Variants in NFATC3 observed in about 807,000 individuals in gnomAD.
NFATC3 encodes nuclear factor of activated T cells 3.
Under a neutral mutation model 98.6 loss-of-function variants are expected in NFATC3, and 46 were observed. The observed-to-expected ratio is 0.47, with a 90% CI of 0.37 to 0.60. NFATC3 has a LOEUF of 0.60. Among genes scored for constraint, NFATC3 ranks in the 20% least tolerant of loss-of-function variants. The probability of loss-of-function intolerance (pLI) is 0.00; values close to 1 mark genes in which losing one functional copy is unlikely to be tolerated. For missense variants in NFATC3, 1,256 were observed against 1,295.5 expected (o/e 0.97, Z 0.47); for synonymous variants, 512 against 472.2 (o/e 1.08, Z -1.09).
intron 5 of NFATC3, 26 bp from the exon 6 acceptor site, chr16:68,174,348 C>T: frequency 7.3e-7 from 1 of 1,371,118 alleles, no homozygotes; most frequent in Non-Finnish European, 9.5e-7. Context: ...TGTTTTTTCT[C>T]AACTCTTTAA....
At chr16:68,166,811 A>C in intron 4 of NFATC3, 32 bp from the exon 5 acceptor site, 1 of 1,539,880 alleles carries the variant, frequency 6.5e-7, no homozygotes, top group Non-Finnish European at 8.8e-7. Context: ...ATTATCAATA[A>C]ACAAATTAAA....
intron 9 of NFATC3, among the ~76,000 whole-genome samples, chr16:68,204,608 C>T (rs114645460): frequency 0.038 from 5,725 of 152,280 alleles, 120 homozygotes; most frequent in Middle Eastern, 0.15. Flanking sequence ...TGTAGATTTT[C>T]TCACATGTGT....
At chr16:68,159,024 G>A (rs1483134862) in intron 4 of NFATC3, among the ~76,000 whole-genome samples, 1 of 152,196 alleles carries the variant, frequency 6.6e-6, no homozygotes, top group Non-Finnish European at 1.5e-5. Context: ...CTGAGCTCAG[G>A]AATTTCAGAC....
At chr16:68,135,014 G>A (rs1296683246) in intron 3 of NFATC3, among the ~76,000 whole-genome samples, 1 of 151,828 alleles carries the variant, frequency 6.6e-6, no homozygotes, top group Non-Finnish European at 1.5e-5. Context: ...GTTAGGAAGT[G>A]TAGAATTATG....
At chr16:68,154,350 T>G (rs2038499427) in intron 3 of NFATC3, among the ~76,000 whole-genome samples, 1 of 152,306 alleles carries the variant, frequency 6.6e-6, no homozygotes, top group East Asian at 1.9e-4. Flanking sequence ...AGGAAAGATT[T>G]ATTGCATTCA....
chr16:68,177,351 G>A (rs1271081099), intron 6 of NFATC3, among the ~76,000 whole-genome samples: 3 of 151,914 alleles, frequency 2.0e-5, no homozygotes, highest in Non-Finnish European at 4.4e-5. Context: ...GTGCCCGCCT[G>A]GTCATATATA....
At chr16:68,155,236 G>A (rs1008064900) in intron 3 of NFATC3, among the ~76,000 whole-genome samples, 4 of 152,278 alleles carry the variant, frequency 2.6e-5, no homozygotes, top group African/African-American at 9.6e-5. Flanking sequence ...CAAATACAAG[G>A]AGGCTACTAT....
intron 9 of NFATC3, chr16:68,192,295 G>GTA (rs2040473585): frequency 7.5e-6 from 1 of 132,544 alleles, no homozygotes; most frequent in Admixed American, 7.9e-5. Context: ...ATATATGTAT[G>GTA]TGTGTATATA....
chr16:68,170,073 T>C (rs561858458), intron 5 of NFATC3, among the ~76,000 whole-genome samples: 1 of 151,328 alleles, frequency 6.6e-6, no homozygotes, highest in East Asian at 2.0e-4. Flanking sequence ...AAAAATAAAA[T>C]TAACGTGATT....
intron 1 of NFATC3, among the ~76,000 whole-genome samples, chr16:68,112,390 G>A (rs974367858): frequency 1.4e-5 from 2 of 143,238 alleles, no homozygotes; most frequent in African/African-American, 5.2e-5. Context: ...CGATCCTTCT[G>A]CCTCAGCCGC....
rs745364460 is a variant in NFATC3, at chr16:68,190,977, A to G, written c.2308A>G (p.Arg770Gly). ...ATCCCATCTGCCACAGTTGCAGTGTAGAGATGAGAGTGTTAGTAAAGAACA... is the reference window on the plus strand; with the variant it reads ...ATCCCATCTGCCACAGTTGCAGTGTGGAGATGAGAGTGTTAGTAAAGAACA... The part of the protein sequence containing the change: ...TSSHLPQLQC[R>G]DESVSKEQHM... The change falls in exon 9 of 10, where the codon AGA becomes GGA. Residue 770 changes from arginine to glycine, a missense_variant. Arg to Gly is a moderately radical substitution (Grantham distance 125). Around this residue, in one of 3 missense-constraint regions of NFATC3, gnomAD observed 636 missense variants for 617.3 expected, o/e 1.03. Transcript: ENST00000346183. 4.3e-6 allele frequency: 7 copies of G among 1,614,212 alleles called. No individual in the cohort carries two copies. The East Asian group carries it at 6.7e-5, about 15-fold the overall frequency.
intron 9 of NFATC3, chr16:68,209,792 T>C: frequency 2.4e-6 from 1 of 420,378 alleles, no homozygotes; most frequent in Non-Finnish European, 4.6e-6. Context: ...GTACTTCAAA[T>C]GCAAGAAATG....
At chr16:68,132,962 A>G (rs540951630) in intron 3 of NFATC3, among the ~76,000 whole-genome samples, 5 of 152,278 alleles carry the variant, frequency 3.3e-5, no homozygotes, top group African/African-American at 7.2e-5. Flanking sequence ...TAGGGTGAAT[A>G]TAGTTAATAA....
At chr16:68,106,423 C>G (rs996304674) in intron 1 of NFATC3, among the ~76,000 whole-genome samples, 3 of 151,920 alleles carry the variant, frequency 2.0e-5, no homozygotes, top group Non-Finnish European at 4.4e-5. Context: ...TCCCGACTAG[C>G]TGAGAATACA....
In NFATC3 at chr16:68,157,877, C is replaced by T. The variant is rs2038699481; in HGVS notation, c.1410C>T (p.Gly470=). ...TTCTTTTTCCTGATTAGCTCCTGGGCTATAACGAAAAGCCAATAAATCTAC... is the reference window on the plus strand; with the variant it reads ...TTCTTTTTCCTGATTAGCTCCTGGGTTATAACGAAAAGCCAATAAATCTAC... ...TGGHPVVKLL[G]YNEKPINLQM... The change falls in exon 4 of 10, where the codon GGC becomes GGT. Residue 470 remains glycine, a synonymous_variant. Transcript: ENST00000346183. 6 of 1,612,352 alleles carry T rather than the reference C, an allele frequency of 3.7e-6. No homozygotes were observed. The highest frequency in any genetic ancestry group is 5.1e-6 in the Non-Finnish European group (6 of 1,179,192).
At chr16:68,210,297 CAA>C (rs147338164) in intron 9 of NFATC3, among the ~76,000 whole-genome samples, 10 of 107,610 alleles carry the variant, frequency 9.3e-5, no homozygotes, top group Admixed American at 2.0e-4. Flanking sequence ...GATTCCTTCT[CAA>C]AAAAAAAAAA....
At position 68,159,737 on chromosome 16, in the gene NFATC3, A is replaced by G. The variant is rs1440454586; in HGVS notation, c.1601+1669A>G. On this transcript the variant is annotated intron_variant, in intron 4 of 9. Transcript: ENST00000346183. ...TGAGCCTGGCCCACAGACCTTTCTT[A>G]AGGCAGGAATAACATCCATCCCAGG... Among the ~76,000 whole-genome samples, 3 of 151,812 alleles carry G rather than the reference A, an allele frequency of 2.0e-5. 1 individual carries two copies. The East Asian group carries it at 5.9e-4, about 30-fold the overall frequency.
At chr16:68,207,526 C>T (rs943109145) in intron 9 of NFATC3, among the ~76,000 whole-genome samples, 3 of 151,978 alleles carry the variant, frequency 2.0e-5, no homozygotes, top group Non-Finnish European at 4.4e-5. Context: ...TGCAGTGGTG[C>T]GATCTGGGCT....
chr16:68,154,899 G>A (rs1340694123), intron 3 of NFATC3, among the ~76,000 whole-genome samples: 1 of 152,082 alleles, frequency 6.6e-6, no homozygotes, highest in African/African-American at 2.4e-5. Context: ...TTCTGAGCAG[G>A]GGAGCCAAAG....
Sources: gnomAD v4.1 joint callset for allele counts (sites outside exome capture counted in the v4.1 genomes callset) on GRCh38, gnomAD v4.1.1 for gene constraint, gnomAD v4.1.1 regional missense constraint, MANE v1.5 for transcripts, NCBI Gene and HGNC (gene_info 2026-07-23, HGNC 2026-07-21) for gene names.